Variants in BECN1 observed in about 807,000 individuals in gnomAD.
The protein encoded by BECN1 is beclin 1.
A neutral mutation model predicts 60.1 loss-of-function variants in BECN1; 15 were observed. The ratio of observed to expected loss-of-function variants is 0.25; its 90% CI spans 0.17 to 0.38. BECN1 has a LOEUF of 0.38. Among genes scored for constraint, BECN1 ranks in the 10% least tolerant of loss-of-function variants. BECN1 has a pLI of 1.00. For missense variants in BECN1, 424 were observed against 548.2 expected, an observed-to-expected ratio of 0.77 and a Z score of 2.26; for synonymous variants, 179 against 201.8, an observed-to-expected ratio of 0.89 and a Z score of 0.96.
Position 42,818,268 on chromosome 17 carries a change from G to T in BECN1, c.636C>A (p.Leu212=). ...TCTCAGCCTCAGCCTGGACCTTCTCGAGATTTTCTGCCACTATCTTGCGGT... is the reference window on the plus strand; with the variant it reads ...TCTCAGCCTCAGCCTGGACCTTCTCTAGATTTTCTGCCACTATCTTGCGGT... The part of the protein sequence containing the change: ...EKNRKIVAEN[L]EKVQAEAERL... The change falls in exon 7 of 12, where the codon CTC becomes CTA. Residue 212 remains leucine, a synonymous_variant. Transcript: ENST00000590099. 1.2e-6 allele frequency: 2 copies of T among 1,614,156 alleles called. No individual in the cohort carries two copies. The highest frequency in any genetic ancestry group is 1.7e-6 in the Non-Finnish European group (2 of 1,180,014).
At chr17:42,818,997 A>C in intron 4 of BECN1, 120 bp from the exon 5 acceptor site, 1 of 1,099,864 alleles carries the variant, frequency 9.1e-7, no homozygotes. Context: ...GAACATACCC[A>C]CTCCTAGCCC....
chr17:42,822,210 A>G (rs556309714), intron 2 of BECN1, among the ~76,000 whole-genome samples: 112 of 152,306 alleles, frequency 7.4e-4, no homozygotes, highest in African/African-American at 2.1e-3. Context: ...TCAAACAAAC[A>G]AACAAAAAAA....
intron 7 of BECN1, 89 bp from the exon 8 acceptor site, chr17:42,816,143 C>G (rs542149842): frequency 2.0e-5 from 26 of 1,299,238 alleles, no homozygotes; most frequent in Non-Finnish European, 2.7e-5. Flanking sequence ...CTTTAGTGAT[C>G]ATCGTTACAT....
intron 2 of BECN1, 126 bp downstream of exon 2, chr17:42,823,622 G>T: frequency 7.6e-7 from 1 of 1,323,054 alleles, no homozygotes. Flanking sequence ...GGAGCCAGAT[G>T]AAGTGACTTT....
intron 8 of BECN1, 165 bp from the exon 9 acceptor site, chr17:42,814,838 T>C: frequency 1.2e-6 from 1 of 861,198 alleles, no homozygotes; most frequent in Non-Finnish European, 1.7e-6. Context: ...CATCATCTTT[T>C]TCCCTGCTGC....
At chr17:42,822,645 C>T (rs929267914) in intron 2 of BECN1, among the ~76,000 whole-genome samples, 2 of 152,066 alleles carry the variant, frequency 1.3e-5, no homozygotes, top group African/African-American at 4.8e-5. Context: ...AGTGATCCAC[C>T]TGCCTCAGCC....
At position 42,811,768 on chromosome 17, in the gene BECN1, C is replaced by T. The variant is rs769978095; in HGVS notation, c.1071G>A (p.Leu357=). ...CAAACTTGTTGTCCCAGAAAAACCGCAACCCCCCAGAACAGTATAACGGCA... is the reference window on the plus strand; with the variant it reads ...CAAACTTGTTGTCCCAGAAAAACCGTAACCCCCCAGAACAGTATAACGGCA... ...KELPLYCSGG[L]RFFWDNKFDH... The change falls in exon 11 of 12, where the codon TTG becomes TTA. Residue 357 remains leucine, a synonymous_variant. Coordinates refer to ENST00000590099, the MANE Select transcript of BECN1 (RefSeq NM_001313998.2). 6.2e-7 allele frequency: 1 copy of T among 1,614,148 alleles called. No individual in the cohort carries two copies. Among genetic ancestry groups the T allele is most frequent in the East Asian group, 2.2e-5 (1 of 44,886 alleles).
chr17:42,815,781 G>C (rs114715495), intron 8 of BECN1, 127 bp downstream of exon 8: 2 of 1,257,456 alleles, frequency 1.6e-6, no homozygotes, highest in East Asian at 4.6e-5. Flanking sequence ...CACTATGAAT[G>C]AAAGAAACCT....
intron 3 of BECN1, chr17:42,820,437 T>A: frequency 4.1e-6 from 1 of 242,454 alleles, no homozygotes; most frequent in Non-Finnish European, 8.2e-6. Context: ...GAACAACAGA[T>A]GCAAATCAAT....
chr17:42,813,900 A>C, intron 10 of BECN1, 48 bp downstream of exon 10: 1 of 1,348,546 alleles, frequency 7.4e-7, no homozygotes, highest in African/African-American at 1.5e-5. Flanking sequence ...TTTTCTTAAG[A>C]GATATAAGAA....
chr17:42,824,132 C>A (rs980426193), intron 1 of BECN1, 23 bp downstream of exon 1: 50 of 475,768 alleles, frequency 1.1e-4, no homozygotes, highest in Non-Finnish European at 1.6e-4. Context: ...TAAGGTCCCA[C>A]CTCAGCCCCC....
chr17:42,813,897 A>C (rs370709776), intron 10 of BECN1, 51 bp downstream of exon 10: 3 of 1,332,744 alleles, frequency 2.3e-6, no homozygotes, highest in Non-Finnish European at 2.1e-6. Flanking sequence ...CCATTTTCTT[A>C]AGAGATATAA....
chr17:42,811,562 C>T (rs1029039027), intron 11 of BECN1, 93 bp downstream of exon 11: 123 of 1,505,160 alleles, frequency 8.2e-5, no homozygotes, highest in Non-Finnish European at 1.1e-4. Context: ...TGCTTTCCCA[C>T]CATTTATACT....
intron 11 of BECN1, 150 bp downstream of exon 11, chr17:42,811,504 TG>T: frequency 1.0e-6 from 1 of 958,282 alleles, no homozygotes; most frequent in Non-Finnish European, 1.5e-6. Flanking sequence ...CTTGCAGTAC[TG>T]GGTCAGTCTC....
At chr17:42,817,425 T>C (rs2055170592) in intron 7 of BECN1, among the ~76,000 whole-genome samples, 1 of 152,266 alleles carries the variant, frequency 6.6e-6, no homozygotes, top group Non-Finnish European at 1.5e-5. Context: ...TGAAACTTGT[T>C]ATACTACTGT....
Position 42,823,867 on chromosome 17 carries a change from G to GATCT in BECN1, c.10_11insAGAT (p.Ser4Ter). 6.2e-7 allele frequency: 1 copy of GATCT among 1,613,880 alleles called. No individual in the cohort carries two copies. The highest frequency in any genetic ancestry group is 1.3e-5 in the African/African-American group (1 of 75,016). ...CATGGTGCTGTTGTTGGACGTCTTA[G>GATCT]ACCCTTCCATCCCTGAGGCCGTGGA... On this transcript the variant is annotated stop_gained and frameshift_variant, in exon 2 of 12. Coordinates refer to ENST00000590099, the MANE Select transcript of BECN1 (RefSeq NM_001313998.2). LOFTEE classifies it high-confidence loss of function.
intron 10 of BECN1, among the ~76,000 whole-genome samples, chr17:42,813,332 C>T (rs1305330789): frequency 1.3e-5 from 2 of 151,570 alleles, no homozygotes; most frequent in Non-Finnish European, 2.9e-5. Flanking sequence ...GTCAGGAGTT[C>T]GAGACCAGCC....
At chr17:42,819,296 A>G (rs760622970) in intron 4 of BECN1, 13 of 497,096 alleles carry the variant, frequency 2.6e-5, no homozygotes, top group Non-Finnish European at 3.9e-5. Context: ...GTGATTGGTC[A>G]ATCACTCCCT....
chr17:42,818,770 G>C lies in BECN1; in HGVS notation c.351+17C>G. Reference sequence around the variant, plus strand: ...CAGCCAGGCCTACTGCTTGCCACCGGAATGGGGCCGACTTGCCTTCAGTCT... The same window carrying C: ...CAGCCAGGCCTACTGCTTGCCACCGCAATGGGGCCGACTTGCCTTCAGTCT... On this transcript the variant is annotated intron_variant, in intron 5 of 11. Coordinates refer to ENST00000590099, the MANE Select transcript of BECN1 (RefSeq NM_001313998.2). 1 of 1,614,066 alleles carries C rather than the reference G, an allele frequency of 6.2e-7. No individual in the cohort carries two copies. Among genetic ancestry groups the C allele is most frequent in the Middle Eastern group, 1.6e-4 (1 of 6,062 alleles).
Sources: allele counts gnomAD v4.1 joint callset (sites outside exome capture counted in the v4.1 genomes callset), GRCh38; gene constraint gnomAD v4.1.1; transcripts MANE v1.5; gene names NCBI Gene and HGNC (gene_info 2026-07-23, HGNC 2026-07-21).